PRKCB: variants seen among roughly 807,000 people sequenced by gnomAD.
The protein encoded by PRKCB is protein kinase C beta, also known as protein kinase C beta type.
In PRKCB, 13 loss-of-function variants were observed where a neutral mutation model predicts 81.5. That is an observed-to-expected ratio of 0.16 (90% CI 0.10 to 0.25). PRKCB has a LOEUF of 0.25. Among genes scored for constraint, PRKCB ranks in the 10% least tolerant of loss-of-function variants. PRKCB has a pLI of 1.00. For missense variants in PRKCB, 509 were observed against 875.7 expected, an observed-to-expected ratio of 0.58 and a Z score of 5.29; for synonymous variants, 335 against 321.4, an observed-to-expected ratio of 1.04 and a Z score of -0.45.
chr16:24,091,821 C>CTT (rs1480482416), intron 5 of PRKCB, among the ~76,000 whole-genome samples: 2 of 152,096 alleles, frequency 1.3e-5, no homozygotes, highest in Non-Finnish European at 2.9e-5. Context: ...CCATGTTAGC[C>CTT]TTATAGCCTC....
intron 2 of PRKCB, among the ~76,000 whole-genome samples, chr16:23,889,292 C>T (rs1249193428): frequency 6.6e-6 from 1 of 152,184 alleles, no homozygotes; most frequent in Non-Finnish European, 1.5e-5. Flanking sequence ...GTTTTAAAAC[C>T]TCTCCTTGTC....
chr16:23,855,684 GAGGGAAGC>G (rs1962553279), intron 2 of PRKCB, among the ~76,000 whole-genome samples: 1 of 152,228 alleles, frequency 6.6e-6, no homozygotes, highest in Non-Finnish European at 1.5e-5. Flanking sequence ...ATAAGGGATA[GAGGGAAGC>G]AGGGAAGAGG....
chr16:24,088,973 C>G (rs911531093), intron 5 of PRKCB, among the ~76,000 whole-genome samples: 8 of 152,134 alleles, frequency 5.3e-5, no homozygotes, highest in Admixed American at 5.2e-4. Flanking sequence ...ATCAACCAGA[C>G]AGACAAGCTT....
chr16:23,872,180 G>A (rs981055408), intron 2 of PRKCB, among the ~76,000 whole-genome samples: 28 of 152,184 alleles, frequency 1.8e-4, no homozygotes, highest in Non-Finnish European at 3.4e-4. Flanking sequence ...AACTGGCAGC[G>A]TTCCTGTTAC....
At position 24,219,630 on chromosome 16, in the gene PRKCB, A is replaced by G. The variant is rs1224498954; in HGVS notation, c.*4814A>G. The G allele has an allele frequency of 3.4e-5, 36 of 1,063,386 alleles. No individual in the cohort carries two copies. The highest frequency in any genetic ancestry group is 4.1e-5 in the Non-Finnish European group (36 of 880,892). The allele number at this position is 1,063,386 out of a possible 1,614,324, so 65.9% of individuals were successfully genotyped here. A position where few individuals can be genotyped will look rare whatever the true frequency, so the allele number is the denominator to read the frequency against. On this transcript the variant is annotated 3_prime_UTR_variant, in exon 17 of 17. Transcript: ENST00000643927. ...TAATAAGTAGCTTCCAATTCAATTC[A>G]TCCTAAAGCCAAAGAAAATACAGCA...
intron 10 of PRKCB, among the ~76,000 whole-genome samples, chr16:24,169,716 C>T (rs1400067511): frequency 6.6e-6 from 1 of 152,150 alleles, no homozygotes; most frequent in Non-Finnish European, 1.5e-5. Context: ...ATCCTCCATA[C>T]TTTGCTCTGT....
At chr16:23,964,392 G>A (rs1409092398) in intron 2 of PRKCB, among the ~76,000 whole-genome samples, 1 of 152,222 alleles carries the variant, frequency 6.6e-6, no homozygotes, top group Non-Finnish European at 1.5e-5. Flanking sequence ...GCGCTACAAG[G>A]ATGGAATTGA....
At chr16:23,900,937 A>G (rs1415990957) in intron 2 of PRKCB, among the ~76,000 whole-genome samples, 1 of 151,990 alleles carries the variant, frequency 6.6e-6, no homozygotes, top group Non-Finnish European at 1.5e-5. Context: ...AAATTTGGCT[A>G]GAGATTTCTG....
At chr16:24,125,289 C>T (rs1257596233) in intron 9 of PRKCB, among the ~76,000 whole-genome samples, 1 of 151,344 alleles carries the variant, frequency 6.6e-6, no homozygotes, top group Non-Finnish European at 1.5e-5. Context: ...ATGTTACATC[C>T]TTAGCTTGTA....
At chr16:23,897,209 G>A (rs887191227) in intron 2 of PRKCB, among the ~76,000 whole-genome samples, 4 of 152,204 alleles carry the variant, frequency 2.6e-5, no homozygotes, top group African/African-American at 7.2e-5. Flanking sequence ...GAAGGCACAC[G>A]TGCTGTGCTC....
chr16:23,978,734 G>A (rs1964656336), intron 2 of PRKCB, among the ~76,000 whole-genome samples: 1 of 152,088 alleles, frequency 6.6e-6, no homozygotes, highest in African/African-American at 2.4e-5. Flanking sequence ...TAACCTTTAG[G>A]CTACTGCTGT....
At chr16:24,009,742 G>A (rs1007398417) in intron 3 of PRKCB, among the ~76,000 whole-genome samples, 2 of 151,986 alleles carry the variant, frequency 1.3e-5, no homozygotes, top group Non-Finnish European at 2.9e-5. Context: ...GGCTGGGCCC[G>A]GTGGCTCACA....
intron 12 of PRKCB, among the ~76,000 whole-genome samples, chr16:24,178,103 T>C (rs1967562350): frequency 6.6e-6 from 1 of 152,160 alleles, no homozygotes; most frequent in African/African-American, 2.4e-5. Context: ...CTCTACTTAA[T>C]TGAACAGTTC....
At chr16:23,850,584 C>T (rs901151605) in intron 2 of PRKCB, among the ~76,000 whole-genome samples, 24 of 152,136 alleles carry the variant, frequency 1.6e-4, no homozygotes, top group Admixed American at 6.5e-5. Context: ...AGGCTGGTCT[C>T]AAACTCCTGA....
chr16:23,860,328 A>T (rs1376097616), intron 2 of PRKCB, among the ~76,000 whole-genome samples: 1 of 152,116 alleles, frequency 6.6e-6, no homozygotes, highest in Non-Finnish European at 1.5e-5. Context: ...AGCAGCAGAG[A>T]ATACAAGAAG....
At chr16:23,949,334 T>C (rs1452011295) in intron 2 of PRKCB, among the ~76,000 whole-genome samples, 2 of 152,198 alleles carry the variant, frequency 1.3e-5, no homozygotes, top group African/African-American at 4.8e-5. Flanking sequence ...GCTCAGAAAC[T>C]GGTTAAAACA....
At chr16:23,977,871 C>T (rs1386820786) in intron 2 of PRKCB, among the ~76,000 whole-genome samples, 1 of 152,072 alleles carries the variant, frequency 6.6e-6, no homozygotes, top group Non-Finnish European at 1.5e-5. Flanking sequence ...TGCTTGCCCT[C>T]CTCTACTCAG....
intron 16 of PRKCB, among the ~76,000 whole-genome samples, chr16:24,193,342 G>C (rs1489293899): frequency 6.6e-6 from 1 of 151,798 alleles, no homozygotes; most frequent in Non-Finnish European, 1.5e-5. Flanking sequence ...CTATTTGTGA[G>C]GCTGAGGCAG....
chr16:23,895,066 C>T (rs1963355833), intron 2 of PRKCB, among the ~76,000 whole-genome samples: 2 of 152,004 alleles, frequency 1.3e-5, no homozygotes, highest in African/African-American at 4.8e-5. Flanking sequence ...GTGCCTTTTC[C>T]AAGATTAGTT....
Sources: gnomAD v4.1 joint callset for allele counts (sites outside exome capture counted in the v4.1 genomes callset) on GRCh38, gnomAD v4.1.1 for gene constraint, MANE v1.5 for transcripts, NCBI Gene and HGNC (gene_info 2026-07-23, HGNC 2026-07-21) for gene names.